Variants in BBS9 observed in about 807,000 individuals in gnomAD.
BBS9 encodes Bardet-Biedl syndrome 9.
A neutral mutation model predicts 117.7 loss-of-function variants in BBS9; 89 were observed. The observed-to-expected ratio is 0.76, with a 90% CI of 0.64 to 0.90. The LOEUF (loss-of-function observed/expected upper bound fraction) is 0.90. BBS9 is among the 40% of genes least tolerant of loss of function. BBS9 has a pLI of 0.00. For missense variants in BBS9, 982 were observed against 1,042.2 expected, an observed-to-expected ratio of 0.94 and a Z score of 0.80; for synonymous variants, 379 against 370.9, an observed-to-expected ratio of 1.02 and a Z score of -0.25.
chr7:33,498,300 A>G (rs1355771909), intron 19 of BBS9, among the ~76,000 whole-genome samples: 1 of 152,154 alleles, frequency 6.6e-6, no homozygotes, highest in Non-Finnish European at 1.5e-5. Flanking sequence ...CAGGAATTAT[A>G]CTTGCAAAGT....
intron 5 of BBS9, among the ~76,000 whole-genome samples, chr7:33,231,121 T>C (rs746850793): frequency 1.6e-4 from 25 of 152,168 alleles, no homozygotes; most frequent in Non-Finnish European, 2.8e-4. Flanking sequence ...TTGTGTATAG[T>C]GTAAGATGAA....
intron 21 of BBS9, among the ~76,000 whole-genome samples, chr7:33,611,820 TATA>T (rs940554769): frequency 1.0e-4 from 14 of 137,868 alleles, no homozygotes; most frequent in African/African-American, 3.1e-4. Flanking sequence ...AAACCTTATA[TATA>T]ATATTATTAT....
chr7:33,196,239 G>C (rs1749560291), intron 5 of BBS9, among the ~76,000 whole-genome samples: 1 of 151,800 alleles, frequency 6.6e-6, no homozygotes, highest in Non-Finnish European at 1.5e-5. Flanking sequence ...CTGAGGTTTT[G>C]CTACATCTTG....
At chr7:33,465,466 T>G (rs1840029377) in intron 19 of BBS9, among the ~76,000 whole-genome samples, 2 of 152,122 alleles carry the variant, frequency 1.3e-5, no homozygotes, top group Admixed American at 1.3e-4. Context: ...CAGTGAAGGA[T>G]TGTTCCTTCT....
chr7:33,614,784 A>G (rs1865050269), intron 21 of BBS9, among the ~76,000 whole-genome samples: 1 of 152,070 alleles, frequency 6.6e-6, no homozygotes, highest in African/African-American at 2.4e-5. Context: ...CCATGTTCTG[A>G]AGTGAATATT....
chr7:33,606,461 C>G (rs1472297514), downstream of BBS9, among the ~76,000 whole-genome samples: 1 of 152,114 alleles, frequency 6.6e-6, no homozygotes, highest in Non-Finnish European at 1.5e-5. Context: ...ACTATGGAAG[C>G]TATGTGGACA....
rs556329308 is a variant in BBS9 at position 33,575,746 on chromosome 7, T to C, written c.2522-29119T>C. ...CTTCATCCCTGGGTTGCAAGGCTGG[T>C]TCAACATACACAAATCAATAAACAT... On this transcript the variant is annotated intron_variant, in intron 21 of 22. Coordinates refer to ENST00000242067, the MANE Select transcript of BBS9 (RefSeq NM_198428.3). Among the ~76,000 whole-genome samples the C allele has an allele frequency of 9.9e-4, 151 of 152,240 alleles. 1 individual carries two copies. Among genetic ancestry groups the C allele is most frequent in the Non-Finnish European group, 1.5e-4 (10 of 68,022 alleles).
intron 19 of BBS9, among the ~76,000 whole-genome samples, chr7:33,427,733 G>A (rs1290562713): frequency 6.6e-6 from 1 of 152,088 alleles, no homozygotes; most frequent in Non-Finnish European, 1.5e-5. Flanking sequence ...ATTTTATTCT[G>A]AAATTTACAT....
intron 5 of BBS9, among the ~76,000 whole-genome samples, chr7:33,181,312 A>G (rs1359982917): frequency 1.3e-5 from 2 of 152,176 alleles, no homozygotes; most frequent in African/African-American, 4.8e-5. Context: ...TCTAGAGAAT[A>G]ATAGGTGAGA....
At chr7:33,151,335 A>G (rs534235632) in intron 2 of BBS9, among the ~76,000 whole-genome samples, 11 of 152,084 alleles carry the variant, frequency 7.2e-5, no homozygotes, top group Non-Finnish European at 1.5e-4. Flanking sequence ...GCTCATTTCT[A>G]TATCAGTTAT....
At chr7:33,351,354 G>C in intron 14 of BBS9, 31 bp downstream of exon 14, 1 of 1,434,944 alleles carries the variant, frequency 7.0e-7, no homozygotes, top group Non-Finnish European at 9.8e-7. Context: ...ATTACTTTAA[G>C]TTGTTGGAGT....
intron 16 of BBS9, among the ~76,000 whole-genome samples, chr7:33,366,558 T>TG (rs1286299935): frequency 2.1e-5 from 3 of 143,142 alleles, no homozygotes; most frequent in Admixed American, 2.1e-4. Flanking sequence ...TTTTTTTTTT[T>TG]TTTTGAGATG....
Position 33,129,633 on chromosome 7 carries a change from G to C in BBS9, c.-420G>C, listed in dbSNP as rs530191856. The C allele has an allele frequency of 6.5e-6, 1 of 153,318 alleles. No homozygotes were observed. The highest frequency in any genetic ancestry group is 2.0e-4 in the South Asian group (1 of 4,922). 9.5% of individuals were successfully genotyped at this position (153,318 alleles called of 1,614,324 possible). A position where few individuals can be genotyped will look rare whatever the true frequency, so the allele number is the denominator to read the frequency against. On this transcript the variant is annotated 5_prime_UTR_variant, in exon 1 of 23. Coordinates refer to ENST00000242067, the MANE Select transcript of BBS9 (RefSeq NM_198428.3). The stretch of plus-strand genomic sequence containing the variant: ...GTGTCCCTTCCGCTGCGGCCGTCGG[G>C]TTTCTGCTACATCCCATTCACCGCC...
At chr7:33,476,237 T>G (rs1287830533) in intron 19 of BBS9, among the ~76,000 whole-genome samples, 2 of 152,166 alleles carry the variant, frequency 1.3e-5, no homozygotes, top group Admixed American at 6.5e-5. Flanking sequence ...TTTTTTGGCT[T>G]AGGGAGGTTT....
chr7:33,189,083 C>T (rs78293616), intron 5 of BBS9, among the ~76,000 whole-genome samples: 2,589 of 152,138 alleles, frequency 0.017, 63 homozygotes, highest in African/African-American at 0.059. Context: ...TGCGGTGGTA[C>T]GATCTCAGCT....
intron 20 of BBS9, among the ~76,000 whole-genome samples, chr7:33,512,302 G>C (rs904977439): frequency 2.0e-5 from 3 of 152,134 alleles, no homozygotes; most frequent in Admixed American, 1.3e-4. Context: ...AAGTCAAGTA[G>C]AATACAATGC....
intron 21 of BBS9, among the ~76,000 whole-genome samples, chr7:33,632,639 C>T (rs1211924215): frequency 6.6e-6 from 1 of 152,092 alleles, no homozygotes; most frequent in African/African-American, 2.4e-5. Flanking sequence ...TCAGAACGAC[C>T]ACTGCCCAGC....
intron 21 of BBS9, among the ~76,000 whole-genome samples, chr7:33,561,030 C>G (rs1563362641): frequency 6.6e-6 from 1 of 152,146 alleles, no homozygotes; most frequent in Non-Finnish European, 1.5e-5. Context: ...TATGCTACTT[C>G]TTGGAGACCC....
At chr7:33,508,347 G>GTCA (rs1245310557) in intron 20 of BBS9, among the ~76,000 whole-genome samples, 17 of 152,220 alleles carry the variant, frequency 1.1e-4, no homozygotes, top group Non-Finnish European at 2.2e-4. Context: ...GGCTTCTTCG[G>GTCA]TCATTCCTGT....
Sources: gnomAD v4.1 joint callset for allele counts (sites outside exome capture counted in the v4.1 genomes callset) on GRCh38, gnomAD v4.1.1 for gene constraint, MANE v1.5 for transcripts, NCBI Gene and HGNC (gene_info 2026-07-23, HGNC 2026-07-21) for gene names.